Variants in CASZ1 observed in about 807,000 individuals in gnomAD.
The protein encoded by CASZ1 is castor zinc finger 1, also known as zinc finger protein castor homolog 1.
CASZ1 carries 28 observed loss-of-function variants against 135.2 expected under a neutral mutation model. The ratio of observed to expected loss-of-function variants is 0.21; its 90% CI spans 0.15 to 0.28. The LOEUF is 0.28. Among genes scored for constraint, CASZ1 ranks in the 10% least tolerant of loss-of-function variants. CASZ1 has a pLI of 1.00. For synonymous variants in CASZ1, 1,068 were observed against 1,073.4 expected (o/e 0.99, Z 0.10); for missense variants, 2,161 against 2,453.3 (o/e 0.88, Z 2.52).
intron 4 of CASZ1, among the ~76,000 whole-genome samples, chr1:10,688,809 C>T (rs745705788): frequency 5.9e-5 from 9 of 152,168 alleles, no homozygotes; most frequent in Non-Finnish European, 1.0e-4. Context: ...CAGGTGGTCC[C>T]GGCGAGGCTG....
chr1:10,656,824 G>A, intron 7 of CASZ1, 88 bp from the exon 8 acceptor site: 7 of 850,904 alleles, frequency 8.2e-6, no homozygotes, highest in South Asian at 2.9e-5. Flanking sequence ...AGGACTCTTC[G>A]GGCCCTGTAT....
intron 13 of CASZ1, 55 bp from the exon 14 acceptor site, chr1:10,649,492 G>A: frequency 2.0e-6 from 3 of 1,536,520 alleles, no homozygotes; most frequent in Non-Finnish European, 8.8e-7. Context: ...CACAGACACG[G>A]CAGCCTGGGG....
At chr1:10,691,249 C>T (rs1184576633) in intron 4 of CASZ1, among the ~76,000 whole-genome samples, 2 of 152,150 alleles carry the variant, frequency 1.3e-5, no homozygotes, top group South Asian at 2.1e-4. Context: ...GCTGTCATCT[C>T]GGGGCCTGGT....
intron 1 of CASZ1, among the ~76,000 whole-genome samples, chr1:10,791,332 T>G (rs1400289772): frequency 6.6e-6 from 1 of 152,224 alleles, no homozygotes; most frequent in Non-Finnish European, 1.5e-5. Context: ...AACTTAGTCT[T>G]TCCAATTAAC....
At chr1:10,690,775 G>A (rs551738226) in intron 4 of CASZ1, among the ~76,000 whole-genome samples, 16 of 152,334 alleles carry the variant, frequency 1.1e-4, no homozygotes, top group African/African-American at 3.8e-4. Flanking sequence ...GCCTTGGACA[G>A]CCCCACCCCT....
At position 10,774,771 on chromosome 1, in the gene CASZ1, T is replaced by A. The variant is rs1057479553; in HGVS notation, c.-233-13914A>T. On this transcript the variant is annotated intron_variant, in intron 1 of 20. Transcript: ENST00000377022. The surrounding 1 kb of genome is among the most constrained non-coding windows in gnomAD (Gnocchi z 4.4). Reference sequence around the variant, plus strand: ...AGAGGCTGGAGGCTTGAGCCCTCCCTCCTCTGTCCCAGCGCCAAGTTCCCT... The same window carrying A: ...AGAGGCTGGAGGCTTGAGCCCTCCCACCTCTGTCCCAGCGCCAAGTTCCCT... 1.3e-5 allele frequency among the ~76,000 whole-genome samples: 2 copies of A among 152,008 alleles called. No homozygotes were observed. Among genetic ancestry groups the A allele is most frequent in the Non-Finnish European group, 2.9e-5 (2 of 67,988 alleles).
intron 2 of CASZ1, among the ~76,000 whole-genome samples, chr1:10,750,533 G>A (rs1325764369): frequency 1.3e-5 from 2 of 152,040 alleles, no homozygotes; most frequent in African/African-American, 2.4e-5. Flanking sequence ...CTTCCAAAAC[G>A]CTGGGATTAC....
intron 2 of CASZ1, among the ~76,000 whole-genome samples, chr1:10,737,160 A>G (rs923151612): frequency 1.3e-5 from 2 of 152,192 alleles, no homozygotes; most frequent in East Asian, 1.9e-4. Context: ...TGGGCGATCA[A>G]TGAGGCATCC....
At position 10,776,702 on chromosome 1, in the gene CASZ1, G is replaced by A. The variant is rs1640666875; in HGVS notation, c.-233-15845C>T. Among the ~76,000 whole-genome samples, 2 of 152,202 alleles carry A rather than the reference G, an allele frequency of 1.3e-5. No homozygotes were observed. The highest frequency in any genetic ancestry group is 4.8e-5 in the African/African-American group (2 of 41,458). On this transcript the variant is annotated intron_variant, in intron 1 of 20. Coordinates refer to ENST00000377022, the MANE Select transcript of CASZ1 (RefSeq NM_001079843.3). The surrounding 1 kb of genome is among the most constrained non-coding windows in gnomAD (Gnocchi z 4.1). Reference sequence around the variant, plus strand: ...GACAGGTTGTGGGAGAGGGTTGGCTGCATGGCACAGCTGCGGACTCCAGAC... The same window carrying A: ...GACAGGTTGTGGGAGAGGGTTGGCTACATGGCACAGCTGCGGACTCCAGAC...
In CASZ1 at chr1:10,739,556, G is replaced by A. The variant is rs915214171; in HGVS notation, c.-77+21145C>T. Among the ~76,000 whole-genome samples the A allele has an allele frequency of 2.6e-5, 4 of 152,094 alleles. No individual in the cohort carries two copies. The highest frequency in any genetic ancestry group is 3.2e-3 in the Middle Eastern group (1 of 316). Reference sequence around the variant, plus strand: ...CCTCCGCCCCCCGGGCCCACTCCCCGTTCTCCCAGCCTTGCTGGCTACTTC... The same window carrying A: ...CCTCCGCCCCCCGGGCCCACTCCCCATTCTCCCAGCCTTGCTGGCTACTTC... On this transcript the variant is annotated intron_variant, in intron 2 of 20. Transcript: ENST00000377022. This position sits in a 1 kb window ranked among gnomAD's most constrained non-coding sequence, Gnocchi z 4.8.
At chr1:10,778,905 T>A (rs905372788) in intron 1 of CASZ1, among the ~76,000 whole-genome samples, 1 of 152,132 alleles carries the variant, frequency 6.6e-6, no homozygotes, top group Non-Finnish European at 1.5e-5. Context: ...CAACCCTTTC[T>A]CCCTGGGCCC....
In CASZ1 at chr1:10,788,222, G is replaced by A. The variant is rs943896009; in HGVS notation, c.-234+8342C>T. 3.3e-5 allele frequency among the ~76,000 whole-genome samples: 5 copies of A among 152,172 alleles called. No homozygotes were observed. Among genetic ancestry groups the A allele is most frequent in the African/African-American group, 4.8e-5 (2 of 41,434 alleles). On this transcript the variant is annotated intron_variant, in intron 1 of 20. Coordinates refer to ENST00000377022, the MANE Select transcript of CASZ1 (RefSeq NM_001079843.3). The surrounding 1 kb of genome is among the most constrained non-coding windows in gnomAD (Gnocchi z 4.1). ...TGCCTTTGGCTTGGTGAGGGGCATC[G>A]CTACCTGAGCAGGTGGGGTTCCTCA... is the stretch of plus-strand genomic sequence containing the variant.
In CASZ1 at chr1:10,743,920, G is replaced by C. The variant is rs1157988742; in HGVS notation, c.-77+16781C>G. Among the ~76,000 whole-genome samples, 3 of 151,958 alleles carry C rather than the reference G, an allele frequency of 2.0e-5. No individual in the cohort carries two copies. The East Asian group carries it at 5.8e-4, about 29-fold the overall frequency. On this transcript the variant is annotated intron_variant, in intron 2 of 20. Transcript: ENST00000377022. The stretch of plus-strand genomic sequence containing the variant: ...GCGGCGGGGGGAGGCAGGCAGAAGA[G>C]GGTTCTGACCTTCTGTGAAGGATAT...
chr1:10,680,299 G>A (rs868788114), intron 4 of CASZ1, among the ~76,000 whole-genome samples: 5 of 151,466 alleles, frequency 3.3e-5, no homozygotes, highest in Admixed American at 6.6e-5. Context: ...GGAGGGGAGG[G>A]GGGTGCGAGG....
chr1:10,653,736 C>T lies in CASZ1; in HGVS notation c.2321G>A (p.Gly774Glu). 6.2e-7 allele frequency: 1 copy of T among 1,608,428 alleles called. No homozygotes were observed. Among genetic ancestry groups the T allele is most frequent in the Non-Finnish European group, 8.5e-7 (1 of 1,177,236 alleles). ...GCCAGGCAGGCCCTGGGGCAGCAGC[C>T]CCGAGATCTTGCTGTTGGGAGGTTT... ...ATKPPNSKIS[G>E]LLPQGLPGSI... Residue 774 changes from glycine (G) to glutamate (E), a missense_variant, in exon 11 of 21, where the codon GGG (glycine) becomes GAG (glutamate). Gly to Glu is a moderately conservative substitution (Grantham distance 98). Coordinates refer to ENST00000377022, the MANE Select transcript of CASZ1 (RefSeq NM_001079843.3).
At chr1:10,780,240 G>C (rs1010164911) in intron 1 of CASZ1, among the ~76,000 whole-genome samples, 1 of 152,158 alleles carries the variant, frequency 6.6e-6, no homozygotes, top group Non-Finnish European at 1.5e-5. Context: ...GAGGTCATTC[G>C]GGAAAATGGT....
intron 2 of CASZ1, among the ~76,000 whole-genome samples, chr1:10,744,434 T>C (rs112624712): frequency 0.017 from 475 of 28,086 alleles, 11 homozygotes; most frequent in African/African-American, 0.074. Flanking sequence ...CGAGCAGGCA[T>C]GTCCTGGGCA....
At chr1:10,791,286 G>A (rs1315922954) in intron 1 of CASZ1, among the ~76,000 whole-genome samples, 1 of 152,292 alleles carries the variant, frequency 6.6e-6, no homozygotes, top group South Asian at 2.1e-4. Context: ...GACAAAGGTC[G>A]GAGAAAGCGG....
In CASZ1 at chr1:10,788,179, T is replaced by A. The variant is rs1174119052; in HGVS notation, c.-234+8385A>T. Among the ~76,000 whole-genome samples the A allele has an allele frequency of 2.0e-5, 3 of 152,180 alleles. No homozygotes were observed. The highest frequency in any genetic ancestry group is 7.2e-5 in the African/African-American group (3 of 41,458). ...AAGGGGATGTATCCATTACTGTGGA[T>A]AGGGGAACCGGGAGAGCTGCCTTTG... On this transcript the variant is annotated intron_variant, in intron 1 of 20. Coordinates refer to ENST00000377022, the MANE Select transcript of CASZ1 (RefSeq NM_001079843.3). The surrounding 1 kb of genome is among the most constrained non-coding windows in gnomAD (Gnocchi z 4.1).
Sources: allele counts gnomAD v4.1 joint callset (sites outside exome capture counted in the v4.1 genomes callset), GRCh38; gene constraint gnomAD v4.1.1; non-coding constraint Gnocchi (gnomAD v3.1); transcripts MANE v1.5; gene names NCBI Gene and HGNC (gene_info 2026-07-23, HGNC 2026-07-21).